Variants in TENM1 observed in about 807,000 individuals in gnomAD.
TENM1 encodes the protein teneurin transmembrane protein 1.
TENM1 carries 35 observed loss-of-function variants against 174.8 expected under a neutral mutation model. The observed-to-expected ratio is 0.20, with a 90% CI of 0.15 to 0.27. TENM1 has a LOEUF of 0.27. Among genes scored for constraint, TENM1 ranks in the 10% least tolerant of loss-of-function variants. The pLI is 1.00. For missense variants in TENM1, 1,633 were observed against 2,130.1 expected (o/e 0.77, Z 4.59); for synonymous variants, 781 against 798.7 (o/e 0.98, Z 0.37).
chrX:124,881,701 TTTG>T (rs745628080), intron 3 of TENM1, among the ~76,000 whole-genome samples: 55 of 109,661 alleles, frequency 5.0e-4, no homozygotes, highest in South Asian at 2.3e-3. Context: ...TCCCATAGTT[TTTG>T]TTGTTGTTGT....
At chrX:124,577,632 C>G (rs1375256257) in intron 11 of TENM1, among the ~76,000 whole-genome samples, 3 of 111,328 alleles carry the variant, frequency 2.7e-5, no homozygotes, top group Admixed American at 9.5e-5. Context: ...GTCGCCACAC[C>G]CATTCTTCTA....
the TENM1 span, among the ~76,000 whole-genome samples, chrX:125,190,698 CT>C: frequency 9.0e-6 from 1 of 110,510 alleles, no homozygotes; most frequent in Non-Finnish European, 1.9e-5. Flanking sequence ...GTTCCCAAAC[CT>C]CACTTCTCAT....
chrX:124,907,294 A>T (rs2057763576), intron 1 of TENM1, among the ~76,000 whole-genome samples: 1 of 112,212 alleles, frequency 8.9e-6, no homozygotes, highest in Admixed American at 9.5e-5. Flanking sequence ...CTTTTACTCC[A>T]GGGGAATCCG....
At chrX:125,179,458 A>T in the TENM1 span, among the ~76,000 whole-genome samples, 1 of 111,741 alleles carries the variant, frequency 8.9e-6, no homozygotes, top group Non-Finnish European at 1.9e-5. Flanking sequence ...TACAAAAAAA[A>T]AATAATAAAG....
chrX:124,998,651 G>A, the TENM1 span, among the ~76,000 whole-genome samples: 1 of 111,069 alleles, frequency 9.0e-6, no homozygotes, highest in African/African-American at 3.3e-5. Flanking sequence ...GGAAAAATGA[G>A]GCAGAGTATT....
chrX:125,141,732 A>C, the TENM1 span, among the ~76,000 whole-genome samples: 1 of 111,784 alleles, frequency 8.9e-6, no homozygotes, highest in East Asian at 2.8e-4. Flanking sequence ...CAGCAAATGA[A>C]AAACACTGTG....
At chrX:124,633,470 T>C (rs1364648609) in intron 11 of TENM1, among the ~76,000 whole-genome samples, 2 of 111,961 alleles carry the variant, frequency 1.8e-5, no homozygotes, top group Non-Finnish European at 3.8e-5. Flanking sequence ...AGTTTCACTA[T>C]ATATTGCATT....
chrX:125,118,833 GTA>G, the TENM1 span, among the ~76,000 whole-genome samples: 1 of 111,743 alleles, frequency 8.9e-6, no homozygotes, highest in South Asian at 3.7e-4. Flanking sequence ...ATGTAAAAAA[GTA>G]AATACTGTAT....
At chrX:124,903,165 C>G (rs1285941478) in intron 1 of TENM1, among the ~76,000 whole-genome samples, 1 of 111,527 alleles carries the variant, frequency 9.0e-6, no homozygotes, top group Non-Finnish European at 1.9e-5. Flanking sequence ...TCTCGGCACT[C>G]AGGACCTACT....
the TENM1 span, among the ~76,000 whole-genome samples, chrX:125,034,254 CTGTT>C: frequency 1.2e-4 from 13 of 111,936 alleles, no homozygotes; most frequent in African/African-American, 4.2e-4. Context: ...CTTGAGCAAT[CTGTT>C]TGGTTTTGCA....
chrX:124,797,985 T>G (rs1443819829), intron 3 of TENM1, among the ~76,000 whole-genome samples: 1 of 111,244 alleles, frequency 9.0e-6, no homozygotes, highest in African/African-American at 3.3e-5. Context: ...CTGAGGATGA[T>G]GGCTTCCAGT....
intron 11 of TENM1, among the ~76,000 whole-genome samples, chrX:124,594,283 C>T (rs1158901973): frequency 1.8e-5 from 2 of 111,561 alleles, no homozygotes; most frequent in African/African-American, 3.3e-5. Flanking sequence ...TCCCTGGGAT[C>T]TGGAGTGTCC....
At chrX:125,160,397 G>A in the TENM1 span, among the ~76,000 whole-genome samples, 1 of 103,871 alleles carries the variant, frequency 9.6e-6, no homozygotes, top group Admixed American at 1.0e-4. Context: ...GCGTGGTAGC[G>A]CATGCCTGTA....
chrX:125,100,079 T>C, the TENM1 span, among the ~76,000 whole-genome samples: 2 of 111,679 alleles, frequency 1.8e-5, no homozygotes, highest in African/African-American at 6.5e-5. Context: ...AGAAGTCCTC[T>C]TCCCCTTTGT....
the TENM1 span, among the ~76,000 whole-genome samples, chrX:124,974,860 G>A: frequency 7.5e-5 from 6 of 80,158 alleles, no homozygotes; most frequent in South Asian, 2.1e-3. Flanking sequence ...ACACACACAC[G>A]TCTGAACAAA....
chrX:124,485,740 C>G (rs2046938860), intron 21 of TENM1, among the ~76,000 whole-genome samples: 1 of 111,749 alleles, frequency 8.9e-6, no homozygotes, highest in African/African-American at 3.3e-5. Flanking sequence ...GCTGGGGAAA[C>G]CCAGACACAT....
chrX:124,983,663 C>A, the TENM1 span, among the ~76,000 whole-genome samples: 235 of 111,379 alleles, frequency 2.1e-3, no homozygotes, highest in African/African-American at 7.4e-3. Context: ...CTCTGTCACC[C>A]AGGCTGGAGT....
the TENM1 span, among the ~76,000 whole-genome samples, chrX:125,065,104 A>G: frequency 8.9e-6 from 1 of 112,006 alleles, no homozygotes; most frequent in African/African-American, 3.2e-5. Context: ...TTACCAGCAC[A>G]ATCCAGAAGA....
the TENM1 span, among the ~76,000 whole-genome samples, chrX:125,117,602 A>G: frequency 9.0e-6 from 1 of 111,164 alleles, no homozygotes; most frequent in Non-Finnish European, 1.9e-5. Flanking sequence ...CGTAATGCAG[A>G]TGACAGGTTG....
Sources: gnomAD v4.1 joint callset for allele counts (sites outside exome capture counted in the v4.1 genomes callset) on GRCh38, gnomAD v4.1.1 for gene constraint, MANE v1.5 for transcripts, NCBI Gene and HGNC (gene_info 2026-07-23, HGNC 2026-07-21) for gene names.